LARGE1: variants seen among roughly 807,000 people sequenced by gnomAD.
LARGE1 encodes xylosyl- and glucuronyltransferase LARGE1.
In LARGE1, 43 loss-of-function variants were observed where a neutral mutation model predicts 87.6. The observed-to-expected ratio is 0.49, with a 90% CI of 0.38 to 0.63. The LOEUF is 0.63. LARGE1 is among the 30% of genes least tolerant of loss of function. The probability of loss-of-function intolerance (pLI) is 0.00; values close to 1 mark genes in which losing one functional copy is unlikely to be tolerated. For synonymous variants in LARGE1, 434 were observed against 394.6 expected, an observed-to-expected ratio of 1.10 and a Z score of -1.18; for missense variants, 802 against 1,000.2, an observed-to-expected ratio of 0.80 and a Z score of 2.67.
chr22:33,816,705 C>T (rs568357010), intron 1 of LARGE1, among the ~76,000 whole-genome samples: 2,779 of 141,338 alleles, frequency 0.02, 75 homozygotes, highest in African/African-American at 0.067. Flanking sequence ...GACAGACAGA[C>T]AGACAGACAG....
chr22:33,452,528 C>T (rs1469154767), intron 6 of LARGE1, among the ~76,000 whole-genome samples: 1 of 152,194 alleles, frequency 6.6e-6, no homozygotes, highest in Non-Finnish European at 1.5e-5. Flanking sequence ...GTCACAAGCT[C>T]AATCTGGAAA....
intron 1 of LARGE1, among the ~76,000 whole-genome samples, chr22:33,911,604 T>C (rs2146963052): frequency 6.6e-6 from 1 of 152,320 alleles, no homozygotes; most frequent in Non-Finnish European, 1.5e-5. Flanking sequence ...GTTTCTCATA[T>C]TGAAAATGTC....
chr22:33,281,389 G>A (rs904531093), intron 13 of LARGE1, among the ~76,000 whole-genome samples: 3 of 145,640 alleles, frequency 2.1e-5, no homozygotes, highest in Non-Finnish European at 4.5e-5. Context: ...TTAAACACTG[G>A]TTAAAAAAAA....
chr22:33,825,462 G>A (rs567619080), intron 1 of LARGE1, among the ~76,000 whole-genome samples: 1 of 152,038 alleles, frequency 6.6e-6, no homozygotes, highest in East Asian at 1.9e-4. Context: ...GGGTGGCTGG[G>A]GAGGCCTCAG....
At chr22:33,760,053 A>C (rs1402362010) in intron 2 of LARGE1, among the ~76,000 whole-genome samples, 1 of 152,204 alleles carries the variant, frequency 6.6e-6, no homozygotes, top group African/African-American at 2.4e-5. Context: ...AAATCTCAGA[A>C]AGTGAAGTGG....
At chr22:33,155,112 A>G in the LARGE1 span, among the ~76,000 whole-genome samples, 1 of 152,208 alleles carries the variant, frequency 6.6e-6, no homozygotes, top group South Asian at 2.1e-4. Context: ...TGTCTTTGTC[A>G]GCAGTGGTAC....
At chr22:33,202,993 T>A (rs1001655321) in intron 11 of LARGE1, among the ~76,000 whole-genome samples, 1 of 151,786 alleles carries the variant, frequency 6.6e-6, no homozygotes, top group Admixed American at 6.6e-5. Context: ...AATAAGACTT[T>A]AAAAAATAAA....
At chr22:33,284,631 G>A (rs535140472) in intron 12 of LARGE1, among the ~76,000 whole-genome samples, 1 of 152,124 alleles carries the variant, frequency 6.6e-6, no homozygotes, top group Non-Finnish European at 1.5e-5. Context: ...AGGCTGGAGT[G>A]CAGTGGTGCA....
At chr22:33,800,224 T>A (rs1175405598) in intron 1 of LARGE1, among the ~76,000 whole-genome samples, 2 of 152,220 alleles carry the variant, frequency 1.3e-5, no homozygotes, top group African/African-American at 4.8e-5. Context: ...TTACAGTTAT[T>A]TTCATTTTGA....
At chr22:33,426,905 CT>C (rs2066900835) in intron 7 of LARGE1, among the ~76,000 whole-genome samples, 4 of 152,336 alleles carry the variant, frequency 2.6e-5, no homozygotes, top group Admixed American at 2.6e-4. Flanking sequence ...GCACCTTGTG[CT>C]TGAGTCGCCT....
chr22:33,327,525 G>A (rs1735058556), intron 10 of LARGE1, among the ~76,000 whole-genome samples: 1 of 152,208 alleles, frequency 6.6e-6, no homozygotes, highest in Non-Finnish European at 1.5e-5. Context: ...GGAAAACCGA[G>A]GTTCATGTAA....
intron 2 of LARGE1, among the ~76,000 whole-genome samples, chr22:33,756,139 G>A (rs2084504904): frequency 6.6e-6 from 1 of 152,146 alleles, no homozygotes; most frequent in African/African-American, 2.4e-5. Context: ...AAAAACAATT[G>A]TGGAAGACCC....
intron 6 of LARGE1, among the ~76,000 whole-genome samples, chr22:33,460,265 C>A (rs1025472714): frequency 6.6e-6 from 1 of 152,182 alleles, no homozygotes. Flanking sequence ...TTATCTTTAA[C>A]AGTGACAGGC....
chr22:33,248,540 G>A (rs921815166), intron 11 of LARGE1, among the ~76,000 whole-genome samples: 1 of 152,090 alleles, frequency 6.6e-6, no homozygotes, highest in African/African-American at 2.4e-5. Context: ...TGGTCCATTG[G>A]TTACAATTGA....
At chr22:33,736,893 A>C (rs1196363466) in intron 2 of LARGE1, among the ~76,000 whole-genome samples, 1 of 152,216 alleles carries the variant, frequency 6.6e-6, no homozygotes, top group Non-Finnish European at 1.5e-5. Flanking sequence ...AAAGGAGATA[A>C]ATAACTTGCC....
At chr22:33,332,547 A>G (rs532619285) in intron 10 of LARGE1, among the ~76,000 whole-genome samples, 6 of 152,306 alleles carry the variant, frequency 3.9e-5, no homozygotes, top group Admixed American at 3.9e-4. Context: ...CCCATCTAGG[A>G]TCTCAAGTCC....
At chr22:33,235,057 C>T (rs1926186155) in intron 11 of LARGE1, among the ~76,000 whole-genome samples, 1 of 152,164 alleles carries the variant, frequency 6.6e-6, no homozygotes, top group Admixed American at 6.5e-5. Flanking sequence ...ATTTGGACCC[C>T]AGTCTACCTG....
chr22:33,746,177 G>C (rs2084077073), intron 2 of LARGE1, among the ~76,000 whole-genome samples: 4 of 152,204 alleles, frequency 2.6e-5, no homozygotes, highest in African/African-American at 7.2e-5. Flanking sequence ...GGGAGGCAGA[G>C]CTTGCAGTGA....
intron 11 of LARGE1, among the ~76,000 whole-genome samples, chr22:33,314,818 C>T (rs1213793374): frequency 6.6e-6 from 1 of 152,186 alleles, no homozygotes; most frequent in Non-Finnish European, 1.5e-5. Flanking sequence ...GAAGGGGCAC[C>T]TGGAATGGCC....
Sources: gnomAD v4.1 joint callset for allele counts (sites outside exome capture counted in the v4.1 genomes callset) on GRCh38, gnomAD v4.1.1 for gene constraint, MANE v1.5 for transcripts, NCBI Gene and HGNC (gene_info 2026-07-23, HGNC 2026-07-21) for gene names.